MAL2: variants seen among roughly 807,000 people sequenced by gnomAD.
MAL2 encodes mal, T cell differentiation protein 2.
MAL2 carries 17 observed loss-of-function variants against 18.1 expected under a neutral mutation model. The ratio of observed to expected loss-of-function variants is 0.94; its 90% confidence interval spans 0.64 to 1.41. The LOEUF (loss-of-function observed/expected upper bound fraction) is 1.41, where lower values mean the gene tolerates loss of function less well. MAL2 is among the 40% of genes most tolerant of loss of function. The probability of loss-of-function intolerance (pLI) is 0.00; values close to 1 mark genes in which losing one functional copy is unlikely to be tolerated. For synonymous variants in MAL2, 102 were observed against 102.3 expected (o/e 1.00, Z 0.02); for missense variants, 222 against 231.9 (o/e 0.96, Z 0.28).
intron 2 of MAL2, among the ~76,000 whole-genome samples, chr8:119,235,423 A>G (rs550307544): frequency 4.6e-5 from 7 of 152,206 alleles, no homozygotes; most frequent in East Asian, 1.9e-4. Context: ...GCAGGCCAAC[A>G]TTCAGATTCA....
Position 119,243,446 on chromosome 8 carries a change from T to G in MAL2, c.489T>G (p.Tyr163Ter), listed in dbSNP as rs1272199624. ...TTGCCTTTATGACGACAGCTTGTTA[T>G]GGTTGCAGTTTGGGTCTGGCTTTAC... The part of the protein sequence containing the change: ...SIFAFMTTAC[Y>*]GCSLGLALRR... Residue 163 changes from tyrosine to a stop codon, truncating the protein, a stop_gained, in exon 4 of 4, where the codon TAT becomes TAG. Transcript: ENST00000614891. LOFTEE classifies it high-confidence loss of function. 4 of 1,601,228 alleles carry G rather than the reference T, an allele frequency of 2.5e-6. No homozygotes were observed. The highest frequency in any genetic ancestry group is 1.3e-5 in the African/African-American group (1 of 74,756).
chr8:119,208,784 C>G lies in MAL2; in HGVS notation c.132+180C>G. The G allele has an allele frequency of 1.0e-6, 1 of 1,003,404 alleles. No individual in the cohort carries two copies. Among genetic ancestry groups the G allele is most frequent in the East Asian group, 3.4e-5 (1 of 29,516 alleles). 62.2% of individuals were successfully genotyped at this position (1,003,404 alleles called of 1,614,324 possible). On this transcript the variant is annotated intron_variant, in intron 1 of 3. Transcript: ENST00000614891. This position sits in a 1 kb window ranked among gnomAD's most constrained non-coding sequence, Gnocchi z 4.3. ...CCGCGCCGCCGCCCGGGCCCTCCCT[C>G]CTAGCACCTGTTACGCGGGCACCTG...
At chr8:119,228,844 G>A (rs992253158) in intron 2 of MAL2, among the ~76,000 whole-genome samples, 5 of 152,242 alleles carry the variant, frequency 3.3e-5, no homozygotes, top group Admixed American at 6.5e-5. Flanking sequence ...CTCCAGGAAG[G>A]TAGAAGCTCA....
At chr8:119,218,495 T>TCCTCTCC (rs374370902) in intron 1 of MAL2, among the ~76,000 whole-genome samples, 3,849 of 152,160 alleles carry the variant, frequency 0.025, 68 homozygotes, top group Non-Finnish European at 0.041. Flanking sequence ...ATTTCTTCTC[T>TCCTCTCC]CCTCTCCCCT....
chr8:119,233,585 A>T (rs887609127), intron 2 of MAL2, among the ~76,000 whole-genome samples: 3 of 152,220 alleles, frequency 2.0e-5, no homozygotes, highest in Non-Finnish European at 4.4e-5. Context: ...GAAGAAATGG[A>T]TAAATTCCTC....
At chr8:119,210,487 T>G (rs920124617) in intron 1 of MAL2, among the ~76,000 whole-genome samples, 3 of 152,146 alleles carry the variant, frequency 2.0e-5, no homozygotes, top group African/African-American at 7.2e-5. Context: ...CTTGAACAGC[T>G]TTTTAAAATA....
chr8:119,229,313 CTT>C (rs60554580), intron 2 of MAL2, among the ~76,000 whole-genome samples: 9,995 of 137,418 alleles, frequency 0.073, 927 homozygotes, highest in African/African-American at 0.24. Context: ...CTGTGGGCCT[CTT>C]TTTTTTTTTT....
Position 119,240,072 on chromosome 8 carries a change from T to G in MAL2, c.304-93T>G. ...TAGTTAAGATTGTTTAATTAAATGT[T>G]TTGATCTTGCTAAACCTAAACTTCA... On this transcript the variant is annotated intron_variant, in intron 2 of 3. Coordinates refer to ENST00000614891, the MANE Select transcript of MAL2 (RefSeq NM_052886.3). The G allele has an allele frequency of 2.3e-6, 3 of 1,307,122 alleles. No homozygotes were observed. The East Asian group carries it at 7.1e-5, about 31-fold the overall frequency. The allele number at this position is 1,307,122 out of a possible 1,614,324, so 81.0% of individuals were successfully genotyped here. A position where few individuals can be genotyped will look rare whatever the true frequency, so the allele number is the denominator to read the frequency against.
chr8:119,228,980 T>C (rs1817652189), intron 2 of MAL2, among the ~76,000 whole-genome samples: 1 of 152,100 alleles, frequency 6.6e-6, no homozygotes, highest in East Asian at 1.9e-4. Flanking sequence ...AGATCAGCTT[T>C]GGCAATAAGG....
At chr8:119,214,514 C>T (rs759532793) in intron 1 of MAL2, among the ~76,000 whole-genome samples, 2 of 151,956 alleles carry the variant, frequency 1.3e-5, no homozygotes, top group African/African-American at 4.8e-5. Context: ...GGCATTGGCA[C>T]GCAGGAACAG....
intron 2 of MAL2, among the ~76,000 whole-genome samples, chr8:119,236,919 A>G (rs1267706765): frequency 6.7e-6 from 1 of 149,942 alleles, no homozygotes; most frequent in Non-Finnish European, 1.5e-5. Flanking sequence ...AAAAGCTAGC[A>G]GAAGGCAAGA....
chr8:119,225,444 G>A (rs1817570198), intron 2 of MAL2, among the ~76,000 whole-genome samples: 2 of 152,184 alleles, frequency 1.3e-5, no homozygotes, highest in Non-Finnish European at 2.9e-5. Context: ...TCCATGCAAA[G>A]GACATGAACT....
intron 1 of MAL2, among the ~76,000 whole-genome samples, chr8:119,217,413 T>G (rs1357549623): frequency 6.6e-6 from 1 of 152,184 alleles, no homozygotes; most frequent in Non-Finnish European, 1.5e-5. Flanking sequence ...CACCGGGAGA[T>G]GCTGATACCT....
intron 2 of MAL2, among the ~76,000 whole-genome samples, chr8:119,239,429 C>G (rs1469791759): frequency 2.6e-5 from 4 of 151,158 alleles, no homozygotes; most frequent in Admixed American, 6.6e-5. Context: ...TACTGGGTCC[C>G]AAAGGACTAC....
chr8:119,225,967 G>GT lies in MAL2; in HGVS notation c.303+4217dup, dbSNP rs757489228. 3.9e-5 allele frequency among the ~76,000 whole-genome samples: 6 copies of GT among 152,154 alleles called. No homozygotes were observed. The South Asian group carries it at 8.3e-4, about 21-fold the overall frequency. ...CCTTCACCCACTTTTTGATGGGGTT[G>GT]TTTTTTTCTTGTGAATTTGTTTGAG... On this transcript the variant is annotated intron_variant, in intron 2 of 3. Coordinates refer to ENST00000614891, the MANE Select transcript of MAL2 (RefSeq NM_052886.3).
chr8:119,234,668 C>G (rs1336146759), intron 2 of MAL2, among the ~76,000 whole-genome samples: 1 of 151,816 alleles, frequency 6.6e-6, no homozygotes, highest in Non-Finnish European at 1.5e-5. Flanking sequence ...CCGGAACAGC[C>G]TAACTGGGAG....
At chr8:119,221,494 G>C in intron 1 of MAL2, 93 bp from the exon 2 acceptor site, 1 of 1,475,972 alleles carries the variant, frequency 6.8e-7, no homozygotes. Context: ...GGAGGAAAAT[G>C]AAGGCAATGC....
intron 1 of MAL2, 134 bp from the exon 2 acceptor site, chr8:119,221,453 A>G: frequency 9.7e-7 from 1 of 1,027,460 alleles, no homozygotes; most frequent in Non-Finnish European, 1.4e-6. Flanking sequence ...AATCGAAGGG[A>G]TGGGGTTGCT....
At chr8:119,228,171 G>A (rs1817635891) in intron 2 of MAL2, among the ~76,000 whole-genome samples, 1 of 151,986 alleles carries the variant, frequency 6.6e-6, no homozygotes, top group South Asian at 2.1e-4. Flanking sequence ...AAGTTTAGTG[G>A]CAACTACCTT....
Sources: allele counts gnomAD v4.1 joint callset (sites outside exome capture counted in the v4.1 genomes callset), GRCh38; gene constraint gnomAD v4.1.1; non-coding constraint Gnocchi (gnomAD v3.1); transcripts MANE v1.5; gene names NCBI Gene and HGNC (gene_info 2026-07-23, HGNC 2026-07-21).